GDAP1: variants seen among roughly 807,000 people sequenced by gnomAD.
GDAP1 encodes ganglioside induced differentiation associated protein 1, also known as ganglioside-induced differentiation-associated protein 1.
A neutral mutation model predicts 40.1 loss-of-function variants in GDAP1; 34 were observed. That is an observed-to-expected ratio of 0.85 (90% CI 0.64 to 1.13). The LOEUF is 1.13. Ranked by LOEUF, GDAP1 falls within the 50% of genes most tolerant of loss-of-function variation. The pLI, the probability that GDAP1 is intolerant of heterozygous loss-of-function variation, is 0.00. For missense variants in GDAP1, 374 were observed against 433.7 expected (o/e 0.86, Z 1.22); for synonymous variants, 170 against 157.4 (o/e 1.08, Z -0.60).
chr8:74,422,197 TTC>T (rs1181456818), intron 2 of GDAP1, among the ~76,000 whole-genome samples: 3 of 151,248 alleles, frequency 2.0e-5, no homozygotes, highest in Non-Finnish European at 4.4e-5. Flanking sequence ...TTTCTCTTTC[TTC>T]TTTCTTTCTC....
At chr8:74,458,180 G>T (rs756118785) in intron 2 of GDAP1, among the ~76,000 whole-genome samples, 27 of 151,892 alleles carry the variant, frequency 1.8e-4, no homozygotes, top group Non-Finnish European at 3.4e-4. Flanking sequence ...TATTGAGATG[G>T]TGAATTCAAA....
chr8:74,487,602 C>T (rs1806792004), intron 2 of GDAP1, among the ~76,000 whole-genome samples: 1 of 152,060 alleles, frequency 6.6e-6, no homozygotes, highest in African/African-American at 2.4e-5. Context: ...TGGCTGAAGC[C>T]AAATGTGAAG....
intron 2 of GDAP1, among the ~76,000 whole-genome samples, chr8:74,433,667 A>G (rs1402928588): frequency 6.6e-6 from 1 of 152,158 alleles, no homozygotes; most frequent in Non-Finnish European, 1.5e-5. Flanking sequence ...CTGTTTTTTC[A>G]AAGAATTAAA....
At chr8:74,435,265 G>A (rs1055572979) in intron 2 of GDAP1, among the ~76,000 whole-genome samples, 1 of 152,160 alleles carries the variant, frequency 6.6e-6, no homozygotes, top group Non-Finnish European at 1.5e-5. Flanking sequence ...GCAGGAGATA[G>A]GAGTGGTATA....
chr8:74,368,604 C>CA (rs1329341051), downstream of GDAP1, among the ~76,000 whole-genome samples: 3 of 152,146 alleles, frequency 2.0e-5, no homozygotes, highest in African/African-American at 7.2e-5. Context: ...TGAGTCCTAT[C>CA]AGAGGGCAAT....
intron 2 of GDAP1, among the ~76,000 whole-genome samples, chr8:74,397,082 T>C (rs751074114): frequency 7.2e-5 from 11 of 152,332 alleles, no homozygotes; most frequent in Middle Eastern, 3.4e-3. Flanking sequence ...ATTGTGGTTT[T>C]GATTTGCATT....
In GDAP1 at chr8:74,351,258, G is replaced by C. The variant is rs757760120; in HGVS notation, c.118-16G>C. 4 of 1,608,038 alleles carry C rather than the reference G, an allele frequency of 2.5e-6. No homozygotes were observed. The South Asian group carries it at 4.4e-5, about 18-fold the overall frequency. On this transcript the variant is annotated splice_polypyrimidine_tract_variant and intron_variant, in intron 1 of 5. Coordinates refer to ENST00000220822, the MANE Select transcript of GDAP1 (RefSeq NM_018972.4). The stretch of plus-strand genomic sequence containing the variant: ...AAGCTTACATGTGTTGTAGTAACCA[G>C]TGTGAACTCTTCCAGGTGCGCTTGG...
intron 2 of GDAP1, among the ~76,000 whole-genome samples, chr8:74,401,603 C>G (rs1304604150): frequency 3.1e-5 from 4 of 130,552 alleles, no homozygotes; most frequent in Admixed American, 2.2e-4. Flanking sequence ...TGAGGAAATG[C>G]GTTCCTTTGG....
chr8:74,374,445 T>C (rs1488445524), intron 2 of GDAP1, among the ~76,000 whole-genome samples: 2 of 151,882 alleles, frequency 1.3e-5, no homozygotes, highest in Non-Finnish European at 2.9e-5. Flanking sequence ...CTTAAAGAGC[T>C]ACAGAAAGAG....
In GDAP1 at chr8:74,470,477, C is replaced by T. The variant is rs548462010; in HGVS notation, c.166-18201C>T. Reference sequence around the variant, plus strand: ...GTCCATGTGTTCTCATTGTTCAATTCCCACCTATCAGTGAGAACATGTGGT... The same window carrying T: ...GTCCATGTGTTCTCATTGTTCAATTTCCACCTATCAGTGAGAACATGTGGT... On this transcript the variant is annotated intron_variant, in intron 2 of 2. Transcript: ENST00000523640. Among the ~76,000 whole-genome samples the T allele has an allele frequency of 8.0e-4, 122 of 151,940 alleles. 1 individual carries two copies. The highest frequency in any genetic ancestry group is 2.5e-3 in the African/African-American group (102 of 41,454).
At chr8:74,445,464 C>A (rs139116367) in intron 2 of GDAP1, among the ~76,000 whole-genome samples, 1,931 of 152,230 alleles carry the variant, frequency 0.013, 19 homozygotes, top group Non-Finnish European at 0.018. Flanking sequence ...TCTATTTAAA[C>A]TTAACATATT....
rs72665478 is a variant in GDAP1, at chr8:74,456,067, C to T, written c.166-32611C>T. Among the ~76,000 whole-genome samples, 995 of 152,012 alleles carry T rather than the reference C, an allele frequency of 6.5e-3. 8 individuals are homozygous for T. The highest frequency in any genetic ancestry group is 0.01 in the Middle Eastern group (3 of 294). On this transcript the variant is annotated intron_variant, in intron 2 of 2. Transcript: ENST00000523640. ...AGAAAATAATGCAATTTCATCCCTA[C>T]GATCAATTATTAAACTCCTCTCATT...
chr8:74,394,965 G>T (rs1810171304), intron 2 of GDAP1, among the ~76,000 whole-genome samples: 1 of 152,166 alleles, frequency 6.6e-6, no homozygotes, highest in African/African-American at 2.4e-5. Flanking sequence ...CCCAGAAATT[G>T]CTGCTTTAAC....
intron 2 of GDAP1, among the ~76,000 whole-genome samples, chr8:74,412,602 G>A (rs1225891245): frequency 6.7e-6 from 1 of 150,064 alleles, no homozygotes; most frequent in East Asian, 1.9e-4. Flanking sequence ...AAAGTATTAA[G>A]AGAACATTAC....
At chr8:74,468,295 A>G (rs1806499512) in intron 2 of GDAP1, among the ~76,000 whole-genome samples, 2 of 152,112 alleles carry the variant, frequency 1.3e-5, no homozygotes, top group African/African-American at 2.4e-5. Flanking sequence ...ATAAAAAACT[A>G]TTAGTATTTT....
chr8:74,387,837 T>A (rs564106094), intron 2 of GDAP1, among the ~76,000 whole-genome samples: 1 of 152,308 alleles, frequency 6.6e-6, no homozygotes, highest in East Asian at 1.9e-4. Flanking sequence ...GGTAGGCTAT[T>A]AATTACTGCC....
At chr8:74,467,709 G>T (rs898651468) in intron 2 of GDAP1, among the ~76,000 whole-genome samples, 1 of 152,166 alleles carries the variant, frequency 6.6e-6, no homozygotes, top group Non-Finnish European at 1.5e-5. Flanking sequence ...AATAGCCAAA[G>T]CAGGGTGTTA....
intron 2 of GDAP1, among the ~76,000 whole-genome samples, chr8:74,483,751 C>T (rs1806741726): frequency 1.3e-5 from 2 of 152,144 alleles, no homozygotes; most frequent in South Asian, 4.1e-4. Flanking sequence ...TCATGCTTAA[C>T]TCCAGTTATA....
At chr8:74,436,246 G>A (rs748033678) in intron 2 of GDAP1, among the ~76,000 whole-genome samples, 3 of 152,072 alleles carry the variant, frequency 2.0e-5, no homozygotes, top group East Asian at 1.9e-4. Flanking sequence ...GAATATATTC[G>A]ACCCAAGCTG....
Sources: allele counts gnomAD v4.1 joint callset (sites outside exome capture counted in the v4.1 genomes callset), GRCh38; gene constraint gnomAD v4.1.1; transcripts MANE v1.5; gene names NCBI Gene and HGNC (gene_info 2026-07-23, HGNC 2026-07-21).